The following ANKS6 variants were observed in gnomAD, a reference collection of about 807,000 sequenced individuals.
The protein encoded by ANKS6 is ankyrin repeat and SAM domain-containing protein 6.
A neutral mutation model predicts 77.9 loss-of-function variants in ANKS6; 47 were observed. The observed-to-expected ratio is 0.60, with a 90% CI of 0.48 to 0.77. ANKS6 has a LOEUF of 0.77. ANKS6 is among the 30% of genes least tolerant of loss of function. The pLI is 0.00. For synonymous variants in ANKS6, 488 were observed against 501.7 expected, an observed-to-expected ratio of 0.97 and a Z score of 0.37; for missense variants, 1,150 against 1,159.1, an observed-to-expected ratio of 0.99 and a Z score of 0.11.
intron 14 of ANKS6, among the ~76,000 whole-genome samples, chr9:98,739,179 T>C (rs1341715990): frequency 6.6e-6 from 1 of 152,154 alleles, no homozygotes; most frequent in African/African-American, 2.4e-5. Context: ...TGTATACTGC[T>C]TGGGTAATGG....
Position 98,768,211 on chromosome 9 carries a change from T to G in ANKS6, c.2012A>C (p.Gln671Pro), listed in dbSNP as rs1833411778. 2 of 1,614,026 alleles carry G rather than the reference T, an allele frequency of 1.2e-6. No homozygotes were observed. Among genetic ancestry groups the G allele is most frequent in the South Asian group, 2.2e-5 (2 of 91,090 alleles). ...CAATAATCCGGCTGCTTTTTTCCTC[T>G]GGGCAGCGATTTGGGACAAGACATT... ...IDNVLSQIAA[Q>P]RKKAAGLLEQ... The change falls in exon 11 of 15, where the codon CAG (glutamine) becomes CCG (proline). Residue 671 changes from glutamine to proline, a missense_variant. Gln to Pro is a moderately conservative substitution (Grantham distance 76). Coordinates refer to ENST00000353234, the MANE Select transcript of ANKS6 (RefSeq NM_173551.5).
At chr9:98,738,109 T>A (rs1393038859) in intron 14 of ANKS6, among the ~76,000 whole-genome samples, 1 of 152,186 alleles carries the variant, frequency 6.6e-6, no homozygotes, top group Non-Finnish European at 1.5e-5. Flanking sequence ...GATTTAAATC[T>A]AAGACCTGAA....
In ANKS6 at chr9:98,770,962, G is replaced by C. The variant is rs1156540009; in HGVS notation, c.1906C>G (p.His636Asp). The C allele has an allele frequency of 6.3e-7, 1 of 1,597,266 alleles. No individual in the cohort carries two copies. The highest frequency in any genetic ancestry group is 8.5e-7 in the Non-Finnish European group (1 of 1,171,726). The part of the protein sequence containing the change: ...ANSGNFNHSP[H>D]SSGGSSGVGV... ...ACCCCACTGGAGCCGCCCGATGAAT[G>C]AGGCGAGTGGTTGAAGTTTCCAGAA... The change falls in exon 10 of 15, where the codon CAT becomes GAT. Residue 636 changes from histidine to aspartate, a missense_variant. Physicochemically the swap from His to Asp is moderately conservative, Grantham distance 81 (BLOSUM62 -1). Transcript: ENST00000353234.
At chr9:98,782,315 A>C (rs1239079071) in intron 5 of ANKS6, 152 bp downstream of exon 5, 17 of 718,466 alleles carry the variant, frequency 2.4e-5, no homozygotes, top group Middle Eastern at 3.4e-4. Flanking sequence ...AACTTGCCTA[A>C]GATCATGCAG....
chr9:98,733,174 G>A lies in ANKS6; in HGVS notation c.*3345C>T, dbSNP rs1831295698. 1 of 980,654 alleles carries A rather than the reference G, an allele frequency of 1.0e-6. No homozygotes were observed. The allele number at this position is 980,654 out of a possible 1,614,324, so 60.7% of individuals were successfully genotyped here. A position where few individuals can be genotyped will look rare whatever the true frequency, so the allele number is the denominator to read the frequency against. ...AGCGTACGAGTAGGGCTGGCACAGG[G>A]TAGATGCTCAGTAAACGTTCGGTAA... On this transcript the variant is annotated 3_prime_UTR_variant, in exon 15 of 15. Transcript: ENST00000353234.
chr9:98,751,123 AC>A, intron 12 of ANKS6, 27 bp from the exon 13 acceptor site: 2 of 1,567,694 alleles, frequency 1.3e-6, no homozygotes, highest in Admixed American at 1.9e-5. Flanking sequence ...TGAAAAAAAA[AC>A]AACACATTTT....
chr9:98,780,140 C>A, intron 6 of ANKS6, 49 bp downstream of exon 6: 1 of 1,606,838 alleles, frequency 6.2e-7, no homozygotes, highest in Non-Finnish European at 8.5e-7. Flanking sequence ...TCCCCGCCAG[C>A]CCCCATCTCC....
Position 98,756,445 on chromosome 9 carries a change from G to A in ANKS6, c.2301C>T (p.Ser767=). The A allele has an allele frequency of 2.5e-6, 4 of 1,613,454 alleles. No homozygotes were observed. Among genetic ancestry groups the A allele is most frequent in the Non-Finnish European group, 2.5e-6 (3 of 1,179,644 alleles). Residue 767 remains serine (S), a synonymous_variant, in exon 12 of 15, where the codon TCC becomes TCT. Transcript: ENST00000353234. ...SHRQSKSSGG[S]SSGTITDEDE... is the part of the protein sequence containing the mutation. ...CCTCATCTGTGATGGTGCCACTGCTGGAGCCCCCACTGCTCTTGGACTGCC... is the reference window on the plus strand; with the variant it reads ...CCTCATCTGTGATGGTGCCACTGCTAGAGCCCCCACTGCTCTTGGACTGCC...
At chr9:98,764,099 G>A (rs1478771639) in intron 11 of ANKS6, among the ~76,000 whole-genome samples, 3 of 152,100 alleles carry the variant, frequency 2.0e-5, no homozygotes, top group Non-Finnish European at 4.4e-5. Flanking sequence ...TAGAAGAGGA[G>A]ACAATACTTC....
intron 2 of ANKS6, chr9:98,789,886 G>C: frequency 1.7e-6 from 1 of 581,346 alleles, no homozygotes; most frequent in African/African-American, 1.9e-5. Context: ...CCAGGCTCTT[G>C]CCCAGGGCTA....
intron 11 of ANKS6, among the ~76,000 whole-genome samples, chr9:98,765,231 A>T (rs1362439208): frequency 1.3e-5 from 2 of 152,244 alleles, no homozygotes; most frequent in Non-Finnish European, 1.5e-5. Context: ...GCAAAGAAAC[A>T]TGATACTCTG....
In ANKS6 at chr9:98,754,670, T is replaced by C. The variant is rs369283443; in HGVS notation, c.2326+1750A>G. Among the ~76,000 whole-genome samples the C allele has an allele frequency of 8.0e-5, 12 of 150,522 alleles. No individual in the cohort carries two copies. The East Asian group carries it at 1.2e-3, about 15-fold the overall frequency. On this transcript the variant is annotated intron_variant, in intron 12 of 14. Coordinates refer to ENST00000353234, the MANE Select transcript of ANKS6 (RefSeq NM_173551.5). ...AAAAAAAAAGCTCTTCGGGGATGGA[T>C]TGCAGCCCCCGGCCTATAACAATCA... is the stretch of plus-strand genomic sequence containing the variant.
chr9:98,750,509 G>A (rs1001946103), intron 13 of ANKS6, among the ~76,000 whole-genome samples: 1 of 152,210 alleles, frequency 6.6e-6, no homozygotes, highest in Non-Finnish European at 1.5e-5. Context: ...GTGGACACAT[G>A]TCTTCATTTC....
At chr9:98,745,442 G>T in intron 14 of ANKS6, 117 bp downstream of exon 14, 1 of 922,380 alleles carries the variant, frequency 1.1e-6, no homozygotes, top group Non-Finnish European at 1.7e-6. Context: ...ATGCTGGGAG[G>T]TAGTGAGTGC....
chr9:98,739,757 C>CCTTTTTTTTTTTT (rs1338507769), intron 14 of ANKS6, among the ~76,000 whole-genome samples: 6 of 51,066 alleles, frequency 1.2e-4, no homozygotes, highest in Non-Finnish European at 1.4e-4. Flanking sequence ...GTGGATTAAA[C>CCTTTTTTTTTTTT]ATTTTTTTTT....
chr9:98,783,628 A>G (rs1412682549), intron 4 of ANKS6: 3 of 229,880 alleles, frequency 1.3e-5, no homozygotes, highest in Non-Finnish European at 8.3e-6. Flanking sequence ...CTATATCTCA[A>G]TGTGAAAACT....
chr9:98,768,253 G>A lies in ANKS6; in HGVS notation c.1973-3C>T. 1 of 1,613,868 alleles carries A rather than the reference G, an allele frequency of 6.2e-7. No homozygotes were observed. The highest frequency in any genetic ancestry group is 8.5e-7 in the Non-Finnish European group (1 of 1,180,038). On this transcript the variant is annotated splice_polypyrimidine_tract_variant and splice_region_variant and intron_variant, in intron 10 of 14. Coordinates refer to ENST00000353234, the MANE Select transcript of ANKS6 (RefSeq NM_173551.5). ...CAAGACATTGTCTATGCTGCCACCT[G>A]AGGAAACACAAAATGAGTGAACACC...
intron 14 of ANKS6, among the ~76,000 whole-genome samples, chr9:98,739,831 T>G (rs972212983): frequency 7.9e-6 from 1 of 126,218 alleles, no homozygotes; most frequent in Non-Finnish European, 1.6e-5. Flanking sequence ...CTCGGCTCAC[T>G]GCAGGCTCCG....
chr9:98,736,112 G>A lies in ANKS6; in HGVS notation c.*407C>T, dbSNP rs148654867. On this transcript the variant is annotated 3_prime_UTR_variant, in exon 15 of 15. Transcript: ENST00000353234. ...CATGACTACCAGTGGCCAAGAGGAC[G>A]TGAGCAGGAGTGATGTGTGTCAGTT... 2.3e-5 allele frequency: 26 copies of A among 1,143,760 alleles called. No homozygotes were observed. The South Asian group carries it at 2.4e-4, about 11-fold the overall frequency. 70.9% of individuals were successfully genotyped at this position (1,143,760 alleles called of 1,614,324 possible).
Sources: allele counts gnomAD v4.1 joint callset (sites outside exome capture counted in the v4.1 genomes callset), GRCh38; gene constraint gnomAD v4.1.1; transcripts MANE v1.5; gene names NCBI Gene and HGNC (gene_info 2026-07-23, HGNC 2026-07-21).